Variants in TMTC4 observed in about 807,000 individuals in gnomAD.
TMTC4 encodes the protein protein O-mannosyl-transferase TMTC4.
In TMTC4, 65 loss-of-function variants were observed where a neutral mutation model predicts 86.0. That is an observed-to-expected ratio of 0.76 (90% CI 0.62 to 0.93). The LOEUF (loss-of-function observed/expected upper bound fraction) is 0.93, where lower values mean the gene tolerates loss of function less well. Ranked by LOEUF, TMTC4 falls within the 40% of genes least tolerant of loss-of-function variation. The probability of loss-of-function intolerance (pLI) is 0.00; values close to 1 mark genes in which losing one functional copy is unlikely to be tolerated. For missense variants in TMTC4, 866 were observed against 948.1 expected (o/e 0.91, Z 1.14); for synonymous variants, 379 against 382.5 (o/e 0.99, Z 0.11).
chr13:100,671,968 GA>G (rs1887164144), intron 1 of TMTC4, among the ~76,000 whole-genome samples: 1 of 151,986 alleles, frequency 6.6e-6, no homozygotes, highest in Non-Finnish European at 1.5e-5. Context: ...TCTGGTGACG[GA>G]CAAACCTGGA....
chr13:100,637,891 T>C (rs1275472867), intron 8 of TMTC4, 39 bp downstream of exon 8: 4 of 1,569,932 alleles, frequency 2.5e-6, no homozygotes, highest in Non-Finnish European at 3.5e-6. Context: ...GTACTTGACA[T>C]TTTCCATGTC....
rs182049057 is a variant in TMTC4, at chr13:100,639,424, A to G, written c.742-1402T>C. Among the ~76,000 whole-genome samples, 534 of 152,348 alleles carry G rather than the reference A, an allele frequency of 3.5e-3. 6 individuals carry two copies. Among genetic ancestry groups the G allele is most frequent in the African/African-American group, 0.012 (482 of 41,588 alleles). On this transcript the variant is annotated intron_variant, in intron 7 of 18. Transcript: ENST00000342624. The stretch of plus-strand genomic sequence containing the variant: ...AGAAGGCAGATGCTCCCTGCGTAGC[A>G]GCCATTGTCTTCTCACAGTTTTCCT...
chr13:100,674,852 C>T (rs1421204044), upstream of TMTC4: 26 of 974,512 alleles, frequency 2.7e-5, no homozygotes, highest in Non-Finnish European at 3.2e-5. Flanking sequence ...CGCCGCGCAC[C>T]CGACCCCCCC....
chr13:100,626,810 C>G (rs1405309526), intron 12 of TMTC4, among the ~76,000 whole-genome samples: 1 of 152,170 alleles, frequency 6.6e-6, no homozygotes, highest in Non-Finnish European at 1.5e-5. Context: ...GCATTTTACT[C>G]TGTATCTGTA....
intron 15 of TMTC4, chr13:100,624,341 C>CAAAA (rs756269986): frequency 2.8e-4 from 17 of 61,342 alleles, no homozygotes; most frequent in South Asian, 6.1e-4. Context: ...GACTCTGTCT[C>CAAAA]AAAAAAAAAA....
intron 7 of TMTC4, among the ~76,000 whole-genome samples, chr13:100,640,733 G>C (rs1205742015): frequency 6.6e-6 from 1 of 151,258 alleles, no homozygotes. Flanking sequence ...GAGGTGGGAG[G>C]ATCGTTGAGG....
intron 17 of TMTC4, among the ~76,000 whole-genome samples, chr13:100,612,176 T>C (rs966677442): frequency 1.3e-5 from 2 of 152,180 alleles, no homozygotes; most frequent in Non-Finnish European, 2.9e-5. Flanking sequence ...TCTCCACGTG[T>C]GAACCACAGT....
At chr13:100,614,476 T>C in intron 15 of TMTC4, 46 bp from the exon 16 acceptor site, 1 of 1,381,206 alleles carries the variant, frequency 7.2e-7, no homozygotes, top group Non-Finnish European at 1.0e-6. Flanking sequence ...AGTTTCCTGC[T>C]TCCTCTTTCC....
intron 12 of TMTC4, among the ~76,000 whole-genome samples, chr13:100,634,555 C>T (rs1048455355): frequency 3.9e-5 from 6 of 152,040 alleles, no homozygotes; most frequent in Non-Finnish European, 7.4e-5. Context: ...ATGATTAAGA[C>T]CTCATTAGAG....
intron 17 of TMTC4, among the ~76,000 whole-genome samples, chr13:100,608,017 A>G (rs1876936384): frequency 6.6e-6 from 1 of 152,218 alleles, no homozygotes; most frequent in African/African-American, 2.4e-5. Flanking sequence ...ATTTTCAAAC[A>G]TTTCCATTTA....
chr13:100,670,068 A>G (rs1246676760), intron 2 of TMTC4, among the ~76,000 whole-genome samples: 2 of 152,146 alleles, frequency 1.3e-5, no homozygotes, highest in African/African-American at 2.4e-5. Flanking sequence ...AGAGGCACAG[A>G]ATGATTTTCT....
At chr13:100,610,270 A>T (rs1877354084) in intron 17 of TMTC4, among the ~76,000 whole-genome samples, 1 of 152,212 alleles carries the variant, frequency 6.6e-6, no homozygotes, top group Admixed American at 6.5e-5. Flanking sequence ...TCTCTGGGAC[A>T]TCCTGCCCAG....
At chr13:100,653,135 T>C (rs1039669088) in intron 6 of TMTC4, among the ~76,000 whole-genome samples, 51 of 152,218 alleles carry the variant, frequency 3.4e-4, no homozygotes, top group Admixed American at 3.0e-3. Flanking sequence ...TTAAGTACCC[T>C]ACGAACTGAA....
At chr13:100,622,070 G>C (rs924273492) in intron 15 of TMTC4, among the ~76,000 whole-genome samples, 3 of 152,164 alleles carry the variant, frequency 2.0e-5, no homozygotes, top group African/African-American at 4.8e-5. Context: ...AGAGAAACTG[G>C]TTTCAACATC....
intron 1 of TMTC4, chr13:100,673,358 G>A (rs745353584): frequency 1.0e-4 from 102 of 985,258 alleles, no homozygotes; most frequent in Non-Finnish European, 1.2e-4. Flanking sequence ...ACCTACAGAA[G>A]AATATTCCCC....
At chr13:100,608,708 T>C (rs1401026913) in intron 17 of TMTC4, among the ~76,000 whole-genome samples, 1 of 152,180 alleles carries the variant, frequency 6.6e-6, no homozygotes, top group Non-Finnish European at 1.5e-5. Context: ...TGTTTATAAA[T>C]TGATCTTCTG....
chr13:100,662,093 G>A (rs549633957), intron 5 of TMTC4, among the ~76,000 whole-genome samples: 45 of 152,044 alleles, frequency 3.0e-4, no homozygotes, highest in African/African-American at 9.9e-4. Flanking sequence ...CGATGGGATG[G>A]AGATGCAGCC....
chr13:100,659,025 A>T (rs191019780), intron 5 of TMTC4, among the ~76,000 whole-genome samples: 15 of 152,318 alleles, frequency 9.8e-5, no homozygotes, highest in Non-Finnish European at 1.5e-5. Context: ...TTTTTAGGCA[A>T]ACTTTTCTAC....
chr13:100,638,048 G>C, intron 7 of TMTC4, 26 bp from the exon 8 acceptor site: 1 of 1,594,948 alleles, frequency 6.3e-7, no homozygotes, highest in Non-Finnish European at 8.6e-7. Flanking sequence ...AAGACAATCA[G>C]CCACGGGAGA....
Sources: gnomAD v4.1 joint callset for allele counts (sites outside exome capture counted in the v4.1 genomes callset) on GRCh38, gnomAD v4.1.1 for gene constraint, MANE v1.5 for transcripts, NCBI Gene and HGNC (gene_info 2026-07-23, HGNC 2026-07-21) for gene names.